SLC12A3: variants seen among roughly 807,000 people sequenced by gnomAD.
SLC12A3 encodes Na-Cl cotransporter.
Under a neutral mutation model 121.0 loss-of-function variants are expected in SLC12A3, and 104 were observed. The observed-to-expected ratio is 0.86, with a 90% confidence interval of 0.73 to 1.01. The LOEUF is 1.01. Among genes scored for constraint, SLC12A3 ranks in the 50% least tolerant of loss-of-function variants. The pLI is 0.00. For synonymous variants in SLC12A3, 536 were observed against 533.4 expected (o/e 1.00, Z -0.07); for missense variants, 1,328 against 1,356.3 (o/e 0.98, Z 0.33).
intron 22 of SLC12A3, among the ~76,000 whole-genome samples, chr16:56,895,539 T>G (rs1201093727): frequency 1.3e-5 from 2 of 150,068 alleles, no homozygotes; most frequent in Admixed American, 6.6e-5. Context: ...ATTTAAAAAT[T>G]TATATATAAT....
rs75236449 is a variant in SLC12A3, at chr16:56,875,000, G to C, written c.1095+2214G>C. Among the ~76,000 whole-genome samples, 330 of 152,316 alleles carry C rather than the reference G, an allele frequency of 2.2e-3. 2 individuals carry two copies. The highest frequency in any genetic ancestry group is 3.8e-3 in the Non-Finnish European group (257 of 68,028). On this transcript the variant is annotated intron_variant, in intron 8 of 25. Transcript: ENST00000563236. ...CTGCCTGCCCTGAGGTCCCGCAGAG[G>C]TTGGGCCTGTGCTCAGACAGCCTGG... is the stretch of plus-strand genomic sequence containing the variant.
chr16:56,910,372 G>T (rs539034909), intron 25 of SLC12A3, among the ~76,000 whole-genome samples: 1 of 152,004 alleles, frequency 6.6e-6, no homozygotes, highest in Non-Finnish European at 1.5e-5. Flanking sequence ...GTCTTACTCT[G>T]TCACCCAGGC....
chr16:56,875,603 C>T (rs2055155564), intron 8 of SLC12A3, among the ~76,000 whole-genome samples: 1 of 152,000 alleles, frequency 6.6e-6, no homozygotes, highest in African/African-American at 2.4e-5. Flanking sequence ...TGCCTCAGGG[C>T]ATGCCCCTGT....
intron 6 of SLC12A3, 75 bp downstream of exon 6, chr16:56,870,811 C>T: frequency 1.2e-6 from 1 of 826,686 alleles, no homozygotes; most frequent in South Asian, 1.4e-5. Context: ...CTGGGCCCTC[C>T]CTGGTCCTCT....
rs774100756 is a variant in SLC12A3, at chr16:56,884,098, G to T, written c.1719G>T (p.Gly573=). The change falls in exon 14 of 26, where the codon GGG becomes GGT. Residue 573 remains glycine (G), a synonymous_variant. Coordinates refer to ENST00000563236, the MANE Select transcript of SLC12A3 (RefSeq NM_001126108.2). ...QYYNKWAALF[G]AIISVVIMFL... is the part of the protein sequence containing the mutation. ...ACAACAAGTGGGCGGCGCTGTTTGG[G>T]GCTATCATCTCCGTGGTCATCATGT... The T allele has an allele frequency of 2.5e-6, 4 of 1,614,078 alleles. No homozygotes were observed. Among genetic ancestry groups the T allele is most frequent in the South Asian group, 1.1e-5 (1 of 91,092 alleles).
chr16:56,903,300 G>A (rs1165630846), intron 24 of SLC12A3, among the ~76,000 whole-genome samples: 2 of 152,182 alleles, frequency 1.3e-5, no homozygotes, highest in Non-Finnish European at 2.9e-5. Flanking sequence ...AAGGGTGTGT[G>A]CCTGTAGCCA....
rs926794909 is a variant in SLC12A3, at chr16:56,914,772, G to A, written c.*1367G>A. The stretch of plus-strand genomic sequence containing the variant: ...ATTTCAGGCATGGTTAAGAACAGAC[G>A]ACAAGGATGTCAGGAATGAAGATGT... On this transcript the variant is annotated 3_prime_UTR_variant, in exon 26 of 26. Coordinates refer to ENST00000563236, the MANE Select transcript of SLC12A3 (RefSeq NM_001126108.2). The A allele has an allele frequency of 6.6e-6, 1 of 152,490 alleles. No homozygotes were observed. The allele number at this position is 152,490 out of a possible 1,614,324, so 9.4% of individuals were successfully genotyped here.
intron 23 of SLC12A3, among the ~76,000 whole-genome samples, chr16:56,900,448 A>G (rs2144761998): frequency 6.6e-6 from 1 of 152,338 alleles, no homozygotes; most frequent in Middle Eastern, 3.4e-3. Flanking sequence ...GATGATCAAA[A>G]AGAGATCAGG....
At position 56,882,177 on chromosome 16, in the gene SLC12A3, C is replaced by T. The variant is rs192251621; in HGVS notation, c.1568-219C>T. Among the ~76,000 whole-genome samples, 308 of 152,300 alleles carry T rather than the reference C, an allele frequency of 2.0e-3. 1 individual carries two copies. The highest frequency in any genetic ancestry group is 3.4e-3 in the Middle Eastern group (1 of 294). On this transcript the variant is annotated intron_variant, in intron 12 of 25. Transcript: ENST00000563236. Reference sequence around the variant, plus strand: ...ACACTGACCCCCACTGTCTTAAAAGCTGGGCGCTTACAGTTTACAAGACAC... The same window carrying T: ...ACACTGACCCCCACTGTCTTAAAAGTTGGGCGCTTACAGTTTACAAGACAC...
At chr16:56,912,715 A>G (rs2144791698) in intron 25 of SLC12A3, among the ~76,000 whole-genome samples, 1 of 152,346 alleles carries the variant, frequency 6.6e-6, no homozygotes, top group South Asian at 2.1e-4. Flanking sequence ...TGGGGAGACA[A>G]GCACATAAAT....
At chr16:56,882,350 C>G in intron 12 of SLC12A3, 46 bp from the exon 13 acceptor site, 1 of 1,522,656 alleles carries the variant, frequency 6.6e-7, no homozygotes, top group Non-Finnish European at 9.1e-7. Flanking sequence ...CAGTCCTTGG[C>G]AGAGTTGCCC....
chr16:56,893,166 C>G, intron 21 of SLC12A3, 112 bp downstream of exon 21: 1 of 859,906 alleles, frequency 1.2e-6, no homozygotes, highest in Non-Finnish European at 1.9e-6. Context: ...CTCCTGGGCC[C>G]AGCAGTGAGC....
At chr16:56,889,448 A>G (rs2055360913) in intron 18 of SLC12A3, among the ~76,000 whole-genome samples, 2 of 152,150 alleles carry the variant, frequency 1.3e-5, no homozygotes. Flanking sequence ...CACCTTTGGA[A>G]CAAGAGTCTT....
At chr16:56,894,779 G>A in intron 22 of SLC12A3, 137 bp downstream of exon 22, 1 of 688,064 alleles carries the variant, frequency 1.5e-6, no homozygotes, top group South Asian at 1.6e-5. Context: ...CCCAGGGCCA[G>A]CTCTCTCCAG....
intron 19 of SLC12A3, 57 bp from the exon 20 acceptor site, chr16:56,892,026 C>A: frequency 2.2e-6 from 3 of 1,335,126 alleles, no homozygotes; most frequent in Non-Finnish European, 3.2e-6. Context: ...CAAGGAGGAA[C>A]CCACGGTGCC....
At chr16:56,865,549 C>T (rs756901509) in intron 1 of SLC12A3, 32 bp downstream of exon 1, 2 of 1,605,154 alleles carry the variant, frequency 1.2e-6, no homozygotes, top group Non-Finnish European at 8.5e-7. Flanking sequence ...TGGCCACTTC[C>T]CTGCTGTGTG....
chr16:56,889,425 C>G (rs2055360509), intron 18 of SLC12A3, among the ~76,000 whole-genome samples: 1 of 152,220 alleles, frequency 6.6e-6, no homozygotes, highest in Non-Finnish European at 1.5e-5. Flanking sequence ...CTGTGTCAAT[C>G]AGGCAGTACA....
At chr16:56,888,838 G>A (rs190351409) in intron 18 of SLC12A3, among the ~76,000 whole-genome samples, 239 of 152,248 alleles carry the variant, frequency 1.6e-3, no homozygotes, top group Non-Finnish European at 2.3e-3. Context: ...GATTACAGGC[G>A]TCAGCCACCG....
rs11861555 is a variant in SLC12A3, at chr16:56,913,921, T to A, written c.*516T>A. ...GCCAGGCAAATACATATATATATATTTTTTTTTTAGATGAAGTTTTTTCTC... is the reference window on the plus strand; with the variant it reads ...GCCAGGCAAATACATATATATATATATTTTTTTTAGATGAAGTTTTTTCTC... On this transcript the variant is annotated 3_prime_UTR_variant, in exon 26 of 26. Transcript: ENST00000563236. 60,996 of 125,126 alleles carry A rather than the reference T, an allele frequency of 0.49. 12,404 individuals are homozygous for A. Among genetic ancestry groups the A allele is most frequent in the African/African-American group, 0.56 (18,030 of 32,128 alleles). 7.8% of individuals were successfully genotyped at this position (125,126 alleles called of 1,614,324 possible). A position where few individuals can be genotyped will look rare whatever the true frequency, so the allele number is the denominator to read the frequency against.
Sources: allele counts gnomAD v4.1 joint callset (sites outside exome capture counted in the v4.1 genomes callset), GRCh38; gene constraint gnomAD v4.1.1; transcripts MANE v1.5; gene names NCBI Gene and HGNC (gene_info 2026-07-23, HGNC 2026-07-21).